The following TMEM94 variants were observed in gnomAD, a reference collection of about 807,000 sequenced individuals.
TMEM94 encodes the protein transmembrane protein 94, also known as ER Mg2+ ATPase.
Under a neutral mutation model 158.6 loss-of-function variants are expected in TMEM94, and 81 were observed. The ratio of observed to expected loss-of-function variants is 0.51; its 90% CI spans 0.43 to 0.61. TMEM94 has a LOEUF of 0.61. TMEM94 is among the 20% of genes least tolerant of loss of function. The probability of loss-of-function intolerance (pLI) is 0.00; values close to 1 mark genes in which losing one functional copy is unlikely to be tolerated. For synonymous variants in TMEM94, 751 were observed against 730.7 expected (o/e 1.03, Z -0.45); for missense variants, 1,435 against 1,762.0 (o/e 0.81, Z 3.32).
At chr17:75,468,361 C>A (rs747307587) in intron 1 of TMEM94, among the ~76,000 whole-genome samples, 1 of 152,188 alleles carries the variant, frequency 6.6e-6, no homozygotes, top group African/African-American at 2.4e-5. Flanking sequence ...GCCTTTGCAG[C>A]GTTGGCAGAA....
chr17:75,490,334 C>T lies in TMEM94; in HGVS notation c.1055C>T (p.Ala352Val). 6.2e-7 allele frequency: 1 copy of T among 1,613,654 alleles called. No homozygotes were observed. The highest frequency in any genetic ancestry group is 1.3e-5 in the African/African-American group (1 of 75,070). The change falls in exon 10 of 32, where the codon GCC becomes GTC. Residue 352 changes from alanine (A) to valine (V), a missense_variant. This residue lies in a region of TMEM94 where 1,051 missense variants were observed against 1,254.4 expected (regional missense o/e 0.84). Coordinates refer to ENST00000314256, the MANE Select transcript of TMEM94 (RefSeq NM_014738.6). Reference sequence around the variant, plus strand: ...CGTGTCCTGGCCCAGATGAGCAAGGCCTCACCCAGCTCCCTGGTAGGTTTT... The same window carrying T: ...CGTGTCCTGGCCCAGATGAGCAAGGTCTCACCCAGCTCCCTGGTAGGTTTT... ...EARVLAQMSK[A>V]SPSSLLAKFS...
chr17:75,476,107 G>A (rs530333027), intron 2 of TMEM94, among the ~76,000 whole-genome samples: 4 of 152,274 alleles, frequency 2.6e-5, no homozygotes, highest in African/African-American at 9.6e-5. Context: ...CGTGTGATTT[G>A]GGGACTTCTC....
chr17:75,484,989 GA>G (rs1423865513), intron 2 of TMEM94, among the ~76,000 whole-genome samples: 1 of 151,068 alleles, frequency 6.6e-6, no homozygotes, highest in Non-Finnish European at 1.5e-5. Flanking sequence ...AGTGAGCCGA[GA>G]TCGTGCCACT....
At chr17:75,468,032 C>T (rs1010292649) in intron 1 of TMEM94, among the ~76,000 whole-genome samples, 2 of 152,192 alleles carry the variant, frequency 1.3e-5, no homozygotes, top group Admixed American at 1.3e-4. Flanking sequence ...ATTGTCATTT[C>T]CATTCTATGA....
chr17:75,496,643 T>C, intron 24 of TMEM94, 87 bp from the exon 25 acceptor site: 2 of 1,462,562 alleles, frequency 1.4e-6, no homozygotes, highest in Non-Finnish European at 1.9e-6. Context: ...ATCCTGGGCG[T>C]CTGGCTCTTG....
In TMEM94 at chr17:75,492,669, G is replaced by T. The variant is rs753883908; in HGVS notation, c.1792G>T (p.Val598Phe). The change falls in exon 15 of 32, where the codon GTC becomes TTC. Residue 598 changes from valine to phenylalanine, a missense_variant. Physicochemically the swap from Val to Phe is conservative, Grantham distance 50. Coordinates refer to ENST00000314256, the MANE Select transcript of TMEM94 (RefSeq NM_014738.6). This position sits in a 1 kb window ranked among gnomAD's most constrained non-coding sequence, Gnocchi z 4.4. ...NVLLNLCDAS[V>F]TERLCRFSDH... Reference sequence around the variant, plus strand: ...GCTGCTGAACCTGTGTGATGCCAGCGTCACCGAGCGCCTGTGCCGATTCTC... The same window carrying T: ...GCTGCTGAACCTGTGTGATGCCAGCTTCACCGAGCGCCTGTGCCGATTCTC... The T allele has an allele frequency of 6.2e-7, 1 of 1,613,830 alleles. No individual in the cohort carries two copies. Among genetic ancestry groups the T allele is most frequent in the East Asian group, 2.2e-5 (1 of 44,874 alleles).
At chr17:75,469,012 G>A (rs1027838566) in intron 1 of TMEM94, among the ~76,000 whole-genome samples, 2 of 152,156 alleles carry the variant, frequency 1.3e-5, no homozygotes, top group African/African-American at 4.8e-5. Flanking sequence ...CAGGACGGGA[G>A]GGTGAGGGCT....
In TMEM94 at chr17:75,462,001, G is replaced by GTTTTTTTTTTTTTTTTTTTTTTTTT. The variant is rs1230233393; in HGVS notation, c.-107+5254_-107+5255insTTTTTTTTTTTTTTTTTTTTTTTTT. Among the ~76,000 whole-genome samples, 12 of 85,664 alleles carry GTTTTTTTTTTTTTTTTTTTTTTTTT rather than the reference G, an allele frequency of 1.4e-4. 4 individuals are homozygous for GTTTTTTTTTTTTTTTTTTTTTTTTT. The highest frequency in any genetic ancestry group is 8.1e-4 in the South Asian group (2 of 2,474). 56.2% of individuals were successfully genotyped at this position (85,664 alleles called of 152,430 possible). On this transcript the variant is annotated intron_variant, in intron 1 of 31. Coordinates refer to ENST00000314256, the MANE Select transcript of TMEM94 (RefSeq NM_014738.6). Reference sequence around the variant, plus strand: ...TAAATTTTACAGTTTTTTTTGTTTTGTTTTGTTTTGTTTTTTTTTTTTTTG... The same window carrying GTTTTTTTTTTTTTTTTTTTTTTTTT: ...TAAATTTTACAGTTTTTTTTGTTTTGTTTTTTTTTTTTTTTTTTTTTTTTTTTTTGTTTTGTTTTTTTTTTTTTTG...
intron 1 of TMEM94, among the ~76,000 whole-genome samples, chr17:75,467,577 C>T (rs899066616): frequency 1.2e-4 from 17 of 139,084 alleles, no homozygotes; most frequent in Admixed American, 3.0e-4. Context: ...CCAGGCCGGA[C>T]TGCGGACTGC....
rs61277546 is a variant in TMEM94, at chr17:75,485,036, T to TAA, written c.25-376_25-375dup. The stretch of plus-strand genomic sequence containing the variant: ...CTAGGAGACTAAGCAAGACTCTATC[T>TAA]AAAAAAAAAAAAAAAAATTGTCCAT... On this transcript the variant is annotated intron_variant, in intron 2 of 31. Coordinates refer to ENST00000314256, the MANE Select transcript of TMEM94 (RefSeq NM_014738.6). This position sits in a 1 kb window ranked among gnomAD's most constrained non-coding sequence, Gnocchi z 5.5. Among the ~76,000 whole-genome samples the TAA allele has an allele frequency of 6.2e-5, 8 of 129,486 alleles. No homozygotes were observed. The highest frequency in any genetic ancestry group is 5.6e-5 in the African/African-American group (2 of 36,036). 84.9% of individuals were successfully genotyped at this position (129,486 alleles called of 152,430 possible).
In TMEM94 at chr17:75,489,416, C is replaced by T; in HGVS notation, c.867+48C>T. On this transcript the variant is annotated intron_variant, in intron 8 of 31. Transcript: ENST00000314256. The surrounding 1 kb of genome is among the most constrained non-coding windows in gnomAD (Gnocchi z 5.0). Reference sequence around the variant, plus strand: ...GGGCTGCATGGGGCAGAGGAGAGGGCTGGACACGGGGGGGTCTCAGGGCCA... The same window carrying T: ...GGGCTGCATGGGGCAGAGGAGAGGGTTGGACACGGGGGGGTCTCAGGGCCA... The T allele has an allele frequency of 6.3e-7, 1 of 1,578,624 alleles. No individual in the cohort carries two copies. Among genetic ancestry groups the T allele is most frequent in the Non-Finnish European group, 8.7e-7 (1 of 1,148,208 alleles).
chr17:75,476,871 A>G, intron 2 of TMEM94: 1 of 1,411,866 alleles, frequency 7.1e-7, no homozygotes, highest in Non-Finnish European at 9.5e-7. Flanking sequence ...GGCTGCTTGA[A>G]TGAGCATGGG....
intron 1 of TMEM94, among the ~76,000 whole-genome samples, chr17:75,464,437 G>A (rs952796507): frequency 5.3e-5 from 8 of 151,810 alleles, no homozygotes; most frequent in Non-Finnish European, 8.8e-5. Context: ...AGCTGTGATC[G>A]CACCACTGTA....
Position 75,471,839 on chromosome 17 carries a change from C to G in TMEM94, c.-67C>G. The stretch of plus-strand genomic sequence containing the variant: ...ACAGACTCACTGGGGTTTGTACATG[C>G]TGGGGAGGAGCCTTCCTTTCAGGGG... On this transcript the variant is annotated 5_prime_UTR_variant, in exon 2 of 32. Coordinates refer to ENST00000314256, the MANE Select transcript of TMEM94 (RefSeq NM_014738.6). 1 of 1,551,112 alleles carries G rather than the reference C, an allele frequency of 6.4e-7. No individual in the cohort carries two copies. The highest frequency in any genetic ancestry group is 8.9e-7 in the Non-Finnish European group (1 of 1,123,806).
rs1173835796 is a variant in TMEM94, at chr17:75,494,620, C to T, written c.2408-7C>T. ...ATCGGGCTGTGTCCTGTGTGTCCTGCCTGAAGAAGGGATCGGGGAGGTGCT... is the reference window on the plus strand; with the variant it reads ...ATCGGGCTGTGTCCTGTGTGTCCTGTCTGAAGAAGGGATCGGGGAGGTGCT... On this transcript the variant is annotated splice_polypyrimidine_tract_variant and splice_region_variant and intron_variant, in intron 18 of 31. Coordinates refer to ENST00000314256, the MANE Select transcript of TMEM94 (RefSeq NM_014738.6). 1.2e-6 allele frequency: 2 copies of T among 1,612,634 alleles called. No homozygotes were observed. Among genetic ancestry groups the T allele is most frequent in the Non-Finnish European group, 1.7e-6 (2 of 1,179,634 alleles).
In TMEM94 at chr17:75,465,959, C is replaced by T. The variant is rs796513379; in HGVS notation, c.-106-5841C>T. On this transcript the variant is annotated intron_variant, in intron 1 of 31. Transcript: ENST00000314256. ...TTAGAGGCAGGATCTTACTCTGTTG[C>T]CTAGACTGGAGTGAAGTGGCACAAT... 5.9e-5 allele frequency among the ~76,000 whole-genome samples: 9 copies of T among 151,980 alleles called. 1 individual carries two copies. The highest frequency in any genetic ancestry group is 2.2e-4 in the African/African-American group (9 of 41,446).
intron 1 of TMEM94, among the ~76,000 whole-genome samples, chr17:75,463,525 G>A (rs567003718): frequency 2.2e-4 from 34 of 152,258 alleles, no homozygotes; most frequent in Admixed American, 1.8e-3. Context: ...GACATGTACA[G>A]AAATCAGACT....
intron 1 of TMEM94, among the ~76,000 whole-genome samples, chr17:75,468,418 G>A (rs1173409357): frequency 6.6e-6 from 1 of 152,220 alleles, no homozygotes; most frequent in Non-Finnish European, 1.5e-5. Context: ...GTTTTTCCCT[G>A]TGTGGCAACG....
At chr17:75,483,833 C>T (rs1311181496) in intron 2 of TMEM94, among the ~76,000 whole-genome samples, 1 of 152,144 alleles carries the variant, frequency 6.6e-6, no homozygotes, top group Non-Finnish European at 1.5e-5. Flanking sequence ...GACGGGTCCA[C>T]ATTCAGGGTA....
Sources: allele counts gnomAD v4.1 joint callset (sites outside exome capture counted in the v4.1 genomes callset), GRCh38; gene constraint gnomAD v4.1.1; regional missense constraint gnomAD v4.1.1; non-coding constraint Gnocchi (gnomAD v3.1); transcripts MANE v1.5; gene names NCBI Gene and HGNC (gene_info 2026-07-23, HGNC 2026-07-21).